PLCB4: variants seen among roughly 807,000 people sequenced by gnomAD.
PLCB4 encodes 1-phosphatidylinositol 4,5-bisphosphate phosphodiesterase beta-4.
In PLCB4, 77 loss-of-function variants were observed where a neutral mutation model predicts 178.8. The ratio of observed to expected loss-of-function variants is 0.43; its 90% CI spans 0.36 to 0.52. PLCB4 has a LOEUF of 0.52. Among genes scored for constraint, PLCB4 ranks in the 20% least tolerant of loss-of-function variants. The probability of loss-of-function intolerance (pLI) is 0.00; values close to 1 mark genes in which losing one functional copy is unlikely to be tolerated. For synonymous variants in PLCB4, 496 were observed against 490.8 expected, an observed-to-expected ratio of 1.01 and a Z score of -0.14; for missense variants, 1,024 against 1,453.4, an observed-to-expected ratio of 0.70 and a Z score of 4.80.
At chr20:9,090,466 G>A (rs1038167167) in intron 1 of PLCB4, among the ~76,000 whole-genome samples, 20 of 150,552 alleles carry the variant, frequency 1.3e-4, no homozygotes, top group African/African-American at 4.6e-4. Context: ...TTTGTCACCC[G>A]ATAACTATCC....
intron 9 of PLCB4, among the ~76,000 whole-genome samples, chr20:9,369,740 T>A (rs1049984148): frequency 5.3e-5 from 8 of 152,226 alleles, no homozygotes; most frequent in African/African-American, 1.7e-4. Flanking sequence ...ACTCTGCCAC[T>A]GAAGTGGTGC....
chr20:9,253,633 G>A (rs2094204287), intron 3 of PLCB4, among the ~76,000 whole-genome samples: 2 of 152,038 alleles, frequency 1.3e-5, no homozygotes, highest in African/African-American at 4.8e-5. Context: ...ATTATGTTTT[G>A]CCTCTTTGTT....
chr20:9,075,600 C>A (rs1181534076), intron 1 of PLCB4, among the ~76,000 whole-genome samples: 2 of 152,182 alleles, frequency 1.3e-5, no homozygotes, highest in African/African-American at 2.4e-5. Context: ...AGTGAAAGGC[C>A]CAAGTGTGGC....
intron 21 of PLCB4, among the ~76,000 whole-genome samples, chr20:9,406,196 A>G (rs1049014641): frequency 6.6e-6 from 1 of 151,964 alleles, no homozygotes; most frequent in Non-Finnish European, 1.5e-5. Flanking sequence ...AGTGGGTAGG[A>G]CTCTAATCCT....
intron 7 of PLCB4, among the ~76,000 whole-genome samples, chr20:9,356,144 GT>G (rs1488072781): frequency 6.6e-6 from 1 of 152,100 alleles, no homozygotes; most frequent in African/African-American, 2.4e-5. Context: ...TGATGGGGTT[GT>G]TTTTTTCTTG....
chr20:9,407,372 CT>C (rs1193918345), intron 21 of PLCB4, among the ~76,000 whole-genome samples: 6,087 of 141,516 alleles, frequency 0.043, 299 homozygotes, highest in African/African-American at 0.13. Context: ...ATAGTAATTT[CT>C]TTTTTTTTTT....
intron 4 of PLCB4, among the ~76,000 whole-genome samples, chr20:9,320,739 A>G (rs2094950906): frequency 6.6e-6 from 1 of 152,250 alleles, no homozygotes; most frequent in African/African-American, 2.4e-5. Context: ...CTGGTTACAG[A>G]CTTAGCAGAA....
chr20:9,444,435 CTT>C (rs2042286351), intron 32 of PLCB4, among the ~76,000 whole-genome samples, 192 bp downstream of exon 32: 1 of 152,158 alleles, frequency 6.6e-6, no homozygotes. Flanking sequence ...TCTAACAATT[CTT>C]TCAAATGCAT....
At chr20:9,136,678 TA>T (rs1184610834) in intron 2 of PLCB4, among the ~76,000 whole-genome samples, 1 of 152,078 alleles carries the variant, frequency 6.6e-6, no homozygotes, top group Non-Finnish European at 1.5e-5. Context: ...CAAATGGGTG[TA>T]AGTGCATATT....
intron 4 of PLCB4, among the ~76,000 whole-genome samples, chr20:9,328,164 G>A (rs541826963): frequency 3.3e-5 from 5 of 152,290 alleles, no homozygotes; most frequent in African/African-American, 1.2e-4. Context: ...TTAGCAGGCA[G>A]CAACTCAACA....
chr20:9,274,671 C>T (rs2094436082), intron 3 of PLCB4, among the ~76,000 whole-genome samples: 1 of 152,024 alleles, frequency 6.6e-6, no homozygotes, highest in Non-Finnish European at 1.5e-5. Context: ...TTGTGCTTTG[C>T]CTCTACTCTT....
intron 3 of PLCB4, among the ~76,000 whole-genome samples, chr20:9,305,552 A>G (rs540017388): frequency 2.0e-5 from 3 of 152,124 alleles, no homozygotes; most frequent in African/African-American, 4.8e-5. Context: ...CTTTTTTGGC[A>G]TAGTACAATA....
At chr20:9,393,463 G>A (rs753826411) in intron 17 of PLCB4, 125 bp from the exon 18 acceptor site, 8 of 620,400 alleles carry the variant, frequency 1.3e-5, no homozygotes. Flanking sequence ...AGAAGGCTGT[G>A]CCGCCTGCCA....
chr20:9,254,719 T>A (rs2147505974), intron 3 of PLCB4, among the ~76,000 whole-genome samples: 1 of 152,190 alleles, frequency 6.6e-6, no homozygotes, highest in East Asian at 1.9e-4. Flanking sequence ...ATAAAAAAAA[T>A]TGTCTTATCA....
intron 2 of PLCB4, among the ~76,000 whole-genome samples, chr20:9,113,257 T>C (rs1294919685): frequency 1.3e-5 from 2 of 152,186 alleles, no homozygotes; most frequent in African/African-American, 2.4e-5. Flanking sequence ...TCGGAGCCCT[T>C]TGCTGCTTTA....
At chr20:9,078,900 C>G (rs569485251) in intron 1 of PLCB4, among the ~76,000 whole-genome samples, 249 of 152,264 alleles carry the variant, frequency 1.6e-3, no homozygotes, top group Non-Finnish European at 2.7e-3. Context: ...TTCTGTTTCC[C>G]AAAGATGGAT....
chr20:9,175,293 G>GTGAA (rs2093135774), intron 2 of PLCB4, among the ~76,000 whole-genome samples: 3 of 152,110 alleles, frequency 2.0e-5, no homozygotes, highest in Non-Finnish European at 1.5e-5. Flanking sequence ...GGGGAGAAGG[G>GTGAA]TGAACCCTTC....
intron 25 of PLCB4, among the ~76,000 whole-genome samples, chr20:9,413,991 A>G (rs951661208): frequency 3.3e-5 from 5 of 152,186 alleles, no homozygotes; most frequent in African/African-American, 4.8e-5. Context: ...AGCTCAGGCA[A>G]TCTGCCTGCC....
At chr20:9,300,683 AT>A (rs1267612318) in intron 3 of PLCB4, among the ~76,000 whole-genome samples, 1 of 152,138 alleles carries the variant, frequency 6.6e-6, no homozygotes, top group Non-Finnish European at 1.5e-5. Context: ...GGTGAAGTTT[AT>A]TCTGTACTTT....
Sources: gnomAD v4.1 joint callset for allele counts (sites outside exome capture counted in the v4.1 genomes callset) on GRCh38, gnomAD v4.1.1 for gene constraint, MANE v1.5 for transcripts, NCBI Gene and HGNC (gene_info 2026-07-23, HGNC 2026-07-21) for gene names.